The following WWP2 variants were observed in gnomAD, a reference collection of about 807,000 sequenced individuals.
WWP2 encodes WW domain containing E3 ubiquitin protein ligase 2.
Under a neutral mutation model 121.0 loss-of-function variants are expected in WWP2, and 57 were observed. The ratio of observed to expected loss-of-function variants is 0.47; its 90% CI spans 0.38 to 0.59. The LOEUF (loss-of-function observed/expected upper bound fraction) is 0.59. Ranked by LOEUF, WWP2 falls within the 20% of genes least tolerant of loss-of-function variation. WWP2 has a pLI of 0.00. For missense variants in WWP2, 962 were observed against 1,158.9 expected, an observed-to-expected ratio of 0.83 and a Z score of 2.47; for synonymous variants, 449 against 441.3, an observed-to-expected ratio of 1.02 and a Z score of -0.22.
chr16:69,871,721 G>A (rs1470283272), intron 6 of WWP2, 83 bp from the exon 7 acceptor site: 1 of 1,563,178 alleles, frequency 6.4e-7, no homozygotes, highest in South Asian at 1.2e-5. Flanking sequence ...GCAGGAGAAG[G>A]GAATATGATG....
intron 4 of WWP2, among the ~76,000 whole-genome samples, chr16:69,801,179 T>G: frequency 7.3e-6 from 1 of 136,802 alleles, no homozygotes; most frequent in Non-Finnish European, 1.5e-5. Flanking sequence ...ACAGAGCAAG[T>G]CTTAAAAAAA....
rs1204237311 is a variant in WWP2, at chr16:69,799,398, G to A, written c.340+103G>A. ...ATTTCCCCCAGGACTAGGGGCTGCAGTACCTCTGTTCTCCTTGGATGCTGT... is the reference window on the plus strand; with the variant it reads ...ATTTCCCCCAGGACTAGGGGCTGCAATACCTCTGTTCTCCTTGGATGCTGT... On this transcript the variant is annotated intron_variant, in intron 4 of 23. Transcript: ENST00000359154. The surrounding 1 kb of genome is among the most constrained non-coding windows in gnomAD (Gnocchi z 4.5). 7.5e-6 allele frequency: 11 copies of A among 1,463,966 alleles called. No homozygotes were observed. The highest frequency in any genetic ancestry group is 9.1e-6 in the Non-Finnish European group (10 of 1,095,142). 90.7% of individuals were successfully genotyped at this position (1,463,966 alleles called of 1,614,324 possible). A position where few individuals can be genotyped will look rare whatever the true frequency, so the allele number is the denominator to read the frequency against.
At chr16:69,903,752 G>A (rs1254451563) in intron 8 of WWP2, among the ~76,000 whole-genome samples, 1 of 145,966 alleles carries the variant, frequency 6.9e-6, no homozygotes, top group Non-Finnish European at 1.5e-5. Flanking sequence ...TGGCGACAGA[G>A]CAAGAATCTG....
intron 6 of WWP2, among the ~76,000 whole-genome samples, chr16:69,848,819 G>T (rs1181463922): frequency 6.6e-6 from 1 of 152,112 alleles, no homozygotes; most frequent in Non-Finnish European, 1.5e-5. Context: ...ATTTGCCTGT[G>T]GCCCTCATCA....
At chr16:69,939,228 G>T (rs2058843865) in intron 22 of WWP2, 105 bp downstream of exon 22, 1 of 1,560,836 alleles carries the variant, frequency 6.4e-7, no homozygotes, top group Non-Finnish European at 8.8e-7. Flanking sequence ...GGATGGAGAA[G>T]AGCTGTGGCC....
intron 1 of WWP2, among the ~76,000 whole-genome samples, chr16:69,770,752 G>T (rs1452710415): frequency 6.6e-6 from 1 of 152,086 alleles, no homozygotes; most frequent in East Asian, 1.9e-4. Context: ...TGTAGGAACT[G>T]AATTAGAGGA....
chr16:69,855,329 GT>G (rs764157107), intron 6 of WWP2, among the ~76,000 whole-genome samples: 2 of 151,984 alleles, frequency 1.3e-5, no homozygotes, highest in Non-Finnish European at 2.9e-5. Flanking sequence ...GTATTTTTTA[GT>G]TCACTTCAGT....
intron 4 of WWP2, among the ~76,000 whole-genome samples, chr16:69,836,363 A>T (rs1439257715): frequency 6.6e-6 from 1 of 151,394 alleles, no homozygotes; most frequent in Non-Finnish European, 1.5e-5. Flanking sequence ...TATTGTATGG[A>T]TGTCTCACAT....
chr16:69,865,038 T>A lies in WWP2; in HGVS notation c.576-6766T>A, dbSNP rs1006704007. On this transcript the variant is annotated intron_variant, in intron 6 of 23. Coordinates refer to ENST00000359154, the MANE Select transcript of WWP2 (RefSeq NM_001270454.2). Reference sequence around the variant, plus strand: ...CTTATTTTCCCTCTGTAGATCTTCTTTGGTGATGTGTCTGTTCAAATCTTT... The same window carrying A: ...CTTATTTTCCCTCTGTAGATCTTCTATGGTGATGTGTCTGTTCAAATCTTT... Among the ~76,000 whole-genome samples, 11 of 152,204 alleles carry A rather than the reference T, an allele frequency of 7.2e-5. No individual in the cohort carries two copies. The East Asian group carries it at 1.9e-3, about 27-fold the overall frequency.
Position 69,799,399 on chromosome 16 carries a change from T to G in WWP2, c.340+104T>G. On this transcript the variant is annotated intron_variant, in intron 4 of 23. Coordinates refer to ENST00000359154, the MANE Select transcript of WWP2 (RefSeq NM_001270454.2). This position sits in a 1 kb window ranked among gnomAD's most constrained non-coding sequence, Gnocchi z 4.5. ...TTTCCCCCAGGACTAGGGGCTGCAGTACCTCTGTTCTCCTTGGATGCTGTC... is the reference window on the plus strand; with the variant it reads ...TTTCCCCCAGGACTAGGGGCTGCAGGACCTCTGTTCTCCTTGGATGCTGTC... The G allele has an allele frequency of 3.5e-6, 5 of 1,435,164 alleles. No individual in the cohort carries two copies. The highest frequency in any genetic ancestry group is 1.4e-5 in the African/African-American group (1 of 70,212). 88.9% of individuals were successfully genotyped at this position (1,435,164 alleles called of 1,614,324 possible).
Position 69,940,004 on chromosome 16 carries a change from G to GC in WWP2, c.*66dup. Reference sequence around the variant, plus strand: ...GTCCTGAGTCCTCCCTGCCTGAGAGGCCACTGGCCCCGCAGCCCTTGGGAG... The same window carrying GC: ...GTCCTGAGTCCTCCCTGCCTGAGAGGCCCACTGGCCCCGCAGCCCTTGGGAG... On this transcript the variant is annotated 3_prime_UTR_variant, in exon 24 of 24. Transcript: ENST00000359154. 7.1e-7 allele frequency: 1 copy of GC among 1,409,114 alleles called. No individual in the cohort carries two copies. The highest frequency in any genetic ancestry group is 1.4e-5 in the African/African-American group (1 of 70,808). The allele number at this position is 1,409,114 out of a possible 1,614,324, so 87.3% of individuals were successfully genotyped here.
At chr16:69,769,874 CT>C (rs71151134) in intron 1 of WWP2, among the ~76,000 whole-genome samples, 82,036 of 102,180 alleles carry the variant, frequency 0.8, 31,794 homozygotes, top group Admixed American at 0.86. Flanking sequence ...TGATCAGTGT[CT>C]TTTTTTTTTT....
At chr16:69,784,349 C>T (rs1352821857) in intron 1 of WWP2, among the ~76,000 whole-genome samples, 1 of 152,168 alleles carries the variant, frequency 6.6e-6, no homozygotes, top group East Asian at 1.9e-4. Flanking sequence ...ATCCACCCGC[C>T]TTGGCCTCCC....
At chr16:69,796,147 T>G (rs1303671196) in intron 2 of WWP2, among the ~76,000 whole-genome samples, 1 of 152,142 alleles carries the variant, frequency 6.6e-6, no homozygotes, top group African/African-American at 2.4e-5. Flanking sequence ...ATTGGTTATG[T>G]TAAAAAATGT....
At chr16:69,931,638 T>A in intron 15 of WWP2, 58 bp downstream of exon 15, 1 of 1,607,810 alleles carries the variant, frequency 6.2e-7, no homozygotes, top group Non-Finnish European at 8.5e-7. Context: ...CAGCACCCCA[T>A]CTCCTATCGC....
intron 23 of WWP2, 47 bp downstream of exon 23, chr16:69,939,460 T>G: frequency 1.2e-6 from 2 of 1,601,840 alleles, no homozygotes; most frequent in Non-Finnish European, 1.7e-6. Context: ...TCAGACCCGA[T>G]GAGCTCCTGG....
At chr16:69,841,887 G>T (rs1428464889) in intron 5 of WWP2, 137 bp from the exon 6 acceptor site, 2 of 754,584 alleles carry the variant, frequency 2.7e-6, no homozygotes, top group Admixed American at 4.6e-5. Context: ...GGTGGCTGCA[G>T]CTTGCCGGAT....
At chr16:69,929,978 C>T in intron 12 of WWP2, 152 bp from the exon 13 acceptor site, 1 of 1,201,322 alleles carries the variant, frequency 8.3e-7, no homozygotes, top group Non-Finnish European at 1.2e-6. Flanking sequence ...CAGAACTGTT[C>T]TCACGACTTG....
chr16:69,814,281 C>T (rs183897350), intron 4 of WWP2, among the ~76,000 whole-genome samples: 104 of 152,292 alleles, frequency 6.8e-4, no homozygotes, highest in Non-Finnish European at 1.0e-3. Context: ...TTGCCTCAGC[C>T]TCCAGAGTTG....
Sources: gnomAD v4.1 joint callset for allele counts (sites outside exome capture counted in the v4.1 genomes callset) on GRCh38, gnomAD v4.1.1 for gene constraint, Gnocchi (gnomAD v3.1) non-coding constraint, MANE v1.5 for transcripts, NCBI Gene and HGNC (gene_info 2026-07-23, HGNC 2026-07-21) for gene names.